Variants in CD72 observed in about 807,000 individuals in gnomAD.
The protein encoded by CD72 is B-cell differentiation antigen CD72.
A neutral mutation model predicts 50.7 loss-of-function variants in CD72; 28 were observed. The ratio of observed to expected loss-of-function variants is 0.55; its 90% CI spans 0.41 to 0.76. The LOEUF is 0.76. CD72 is among the 30% of genes least tolerant of loss of function. The probability of loss-of-function intolerance (pLI) is 0.00; values close to 1 mark genes in which losing one functional copy is unlikely to be tolerated. For missense variants in CD72, 403 were observed against 420.6 expected, an observed-to-expected ratio of 0.96 and a Z score of 0.37; for synonymous variants, 176 against 171.2, an observed-to-expected ratio of 1.03 and a Z score of -0.22.
chr9:35,627,382 G>A (rs1270401618), intron 1 of CD72, among the ~76,000 whole-genome samples: 4 of 151,710 alleles, frequency 2.6e-5, no homozygotes, highest in Admixed American at 6.6e-5. Context: ...CACCCACCTC[G>A]GCCTCCCAAA....
chr9:35,636,611 T>C (rs1823291942), intron 1 of CD72, among the ~76,000 whole-genome samples: 1 of 152,250 alleles, frequency 6.6e-6, no homozygotes, highest in Admixed American at 6.5e-5. Flanking sequence ...GGAGAGACCC[T>C]GGCCACATCG....
chr9:35,616,912 A>C (rs1823072639), intron 3 of CD72: 1 of 1,303,628 alleles, frequency 7.7e-7, no homozygotes, highest in South Asian at 1.5e-5. Flanking sequence ...CGGGGGCGTT[A>C]CCTGGGAGAA....
chr9:35,643,868 C>T (rs527971671), intron 1 of CD72, among the ~76,000 whole-genome samples: 1 of 152,086 alleles, frequency 6.6e-6, no homozygotes, highest in Non-Finnish European at 1.5e-5. Context: ...ATCCCAGCTA[C>T]TCCAGAGGTT....
At chr9:35,633,321 T>A (rs923346101) in intron 1 of CD72, among the ~76,000 whole-genome samples, 1 of 151,988 alleles carries the variant, frequency 6.6e-6, no homozygotes, top group African/African-American at 2.4e-5. Flanking sequence ...TGATTTGATT[T>A]CTTTTCTTAT....
intron 1 of CD72, among the ~76,000 whole-genome samples, chr9:35,626,984 C>T (rs552977966): frequency 6.6e-6 from 1 of 151,770 alleles, no homozygotes; most frequent in Non-Finnish European, 1.5e-5. Context: ...ACTACAGGTG[C>T]CCGCCACCAT....
chr9:35,637,784 GGT>G (rs1385981670), intron 1 of CD72, among the ~76,000 whole-genome samples: 4 of 151,992 alleles, frequency 2.6e-5, no homozygotes, highest in African/African-American at 9.7e-5. Context: ...ACATTCCCTT[GGT>G]GGCAAGTCAA....
chr9:35,612,738 G>A (rs1447635682), intron 6 of CD72, 110 bp downstream of exon 6: 5 of 986,532 alleles, frequency 5.1e-6, no homozygotes, highest in Non-Finnish European at 7.7e-6. Context: ...TTCTTCCATG[G>A]AAAAGGAATG....
intron 1 of CD72, among the ~76,000 whole-genome samples, chr9:35,637,113 T>C (rs1823297755): frequency 6.6e-6 from 1 of 152,146 alleles, no homozygotes. Flanking sequence ...TACTTTGTAA[T>C]ATTCTCCCCA....
intron 1 of CD72, among the ~76,000 whole-genome samples, chr9:35,634,966 A>C (rs775166313): frequency 6.6e-6 from 1 of 152,108 alleles, no homozygotes; most frequent in Non-Finnish European, 1.5e-5. Flanking sequence ...TGTTTATTAG[A>C]GTCTCTTCTC....
At chr9:35,633,654 A>G (rs1448446823) in intron 1 of CD72, among the ~76,000 whole-genome samples, 1 of 152,128 alleles carries the variant, frequency 6.6e-6, no homozygotes, top group Non-Finnish European at 1.5e-5. Flanking sequence ...TATCTCTCCC[A>G]AAATCCTCCT....
upstream of CD72, chr9:35,618,878 T>G (rs1823111568): frequency 1.6e-5 from 11 of 692,334 alleles, no homozygotes; most frequent in Non-Finnish European, 2.4e-5. Flanking sequence ...GGGCCAGAGG[T>G]GAAGGTAAGG....
chr9:35,638,114 A>G (rs1265890141), intron 1 of CD72, among the ~76,000 whole-genome samples: 2 of 152,164 alleles, frequency 1.3e-5, no homozygotes, highest in Admixed American at 1.3e-4. Flanking sequence ...ATTTTTGTCG[A>G]AAAATGGGCA....
upstream of CD72, among the ~76,000 whole-genome samples, chr9:35,620,545 C>T (rs1823138090): frequency 6.6e-6 from 1 of 151,842 alleles, no homozygotes; most frequent in Non-Finnish European, 1.5e-5. Context: ...AGAAGGGGAT[C>T]TCCTGGCCGG....
At chr9:35,631,668 C>T (rs1823247585) in intron 1 of CD72, among the ~76,000 whole-genome samples, 1 of 152,104 alleles carries the variant, frequency 6.6e-6, no homozygotes, top group Non-Finnish European at 1.5e-5. Flanking sequence ...CCGAGGCGGG[C>T]GGATCACGAC....
Position 35,618,325 on chromosome 9 carries a change from C to A in CD72, c.-22G>T, listed in dbSNP as rs370359408. 8.6e-5 allele frequency: 139 copies of A among 1,613,902 alleles called. No homozygotes were observed. The highest frequency in any genetic ancestry group is 1.1e-4 in the Non-Finnish European group (134 of 1,179,958). ...CCATGGTCCTGAGCAGCTCTGCCCCCACTCGTCTTCCCTGTCATCCACTGT... is the reference window on the plus strand; with the variant it reads ...CCATGGTCCTGAGCAGCTCTGCCCCAACTCGTCTTCCCTGTCATCCACTGT... On this transcript the variant is annotated 5_prime_UTR_variant, in exon 1 of 9. Coordinates refer to ENST00000259633, the MANE Select transcript of CD72 (RefSeq NM_001782.3).
rs536181642 is a variant in CD72 at position 35,631,896 on chromosome 9, T to A, written n.409-13775A>T. Among the ~76,000 whole-genome samples, 708 of 150,902 alleles carry A rather than the reference T, an allele frequency of 4.7e-3. 4 individuals carry two copies. The highest frequency in any genetic ancestry group is 0.016 in the African/African-American group (671 of 41,084). On this transcript the variant is annotated intron_variant and non_coding_transcript_variant, in intron 1 of 3. Transcript: ENST00000465754. The stretch of plus-strand genomic sequence containing the variant: ...CTACAGAGCCAGACTCCACTCAAAA[T>A]AAATAAATAAATAAATAAAAATAAA...
intron 1 of CD72, among the ~76,000 whole-genome samples, chr9:35,627,014 A>G (rs1823201636): frequency 6.6e-6 from 1 of 151,376 alleles, no homozygotes; most frequent in African/African-American, 2.4e-5. Flanking sequence ...ATCTTTTTGT[A>G]TTTTTAGTAG....
intron 1 of CD72, among the ~76,000 whole-genome samples, chr9:35,637,700 T>C (rs1196165216): frequency 1.3e-5 from 2 of 152,168 alleles, no homozygotes; most frequent in Admixed American, 6.5e-5. Flanking sequence ...ACTGCGGGGA[T>C]GCCTGCCTGA....
In CD72 at chr9:35,626,259, A is replaced by G. The variant is rs78094811; in HGVS notation, n.409-8138T>C. On this transcript the variant is annotated intron_variant and non_coding_transcript_variant, in intron 1 of 3. Coordinates refer to the CD72 transcript ENST00000465754. ...TGACTTGGAGGAGTTCAAGACTTCAATGGAGGAAGTAACTGCAGCTCTGAT... is the reference window on the plus strand; with the variant it reads ...TGACTTGGAGGAGTTCAAGACTTCAGTGGAGGAAGTAACTGCAGCTCTGAT... Among the ~76,000 whole-genome samples, 320 of 152,108 alleles carry G rather than the reference A, an allele frequency of 2.1e-3. 1 individual carries two copies. Among genetic ancestry groups the G allele is most frequent in the Non-Finnish European group, 2.3e-3 (154 of 67,990 alleles).
Sources: gnomAD v4.1 joint callset for allele counts (sites outside exome capture counted in the v4.1 genomes callset) on GRCh38, gnomAD v4.1.1 for gene constraint, MANE v1.5 for transcripts, NCBI Gene and HGNC (gene_info 2026-07-23, HGNC 2026-07-21) for gene names.